PNKD: variants seen among roughly 807,000 people sequenced by gnomAD.
PNKD encodes the protein probable thioesterase PNKD.
In PNKD, 36 loss-of-function variants were observed where a neutral mutation model predicts 45.3. That is an observed-to-expected ratio of 0.80 (90% CI 0.61 to 1.05). PNKD has a LOEUF of 1.05. Among genes scored for constraint, PNKD ranks in the 50% least tolerant of loss-of-function variants. PNKD has a pLI of 0.00. For synonymous variants in PNKD, 197 were observed against 210.1 expected (o/e 0.94, Z 0.54); for missense variants, 511 against 506.6 (o/e 1.01, Z -0.08).
intron 2 of PNKD, among the ~76,000 whole-genome samples, chr2:218,312,701 C>T (rs946083859): frequency 6.6e-6 from 1 of 152,008 alleles, no homozygotes; most frequent in Non-Finnish European, 1.5e-5. Flanking sequence ...GGTGAAATCC[C>T]ATCCCTACTA....
chr2:218,309,613 G>T (rs1693539368), intron 2 of PNKD, among the ~76,000 whole-genome samples: 1 of 151,898 alleles, frequency 6.6e-6, no homozygotes, highest in Non-Finnish European at 1.5e-5. Context: ...GTACTAGTTT[G>T]GATGCTCTTG....
At chr2:218,278,579 G>A in intron 2 of PNKD, 1 of 1,614,160 alleles carries the variant, frequency 6.2e-7, no homozygotes, top group South Asian at 1.1e-5. Flanking sequence ...GGGACAAAGA[G>A]ATGGGGAAGC....
intron 2 of PNKD, chr2:218,277,001 C>CA (rs1691282592): frequency 6.2e-7 from 1 of 1,613,476 alleles, no homozygotes; most frequent in Non-Finnish European, 8.5e-7. Flanking sequence ...CTGGGACACT[C>CA]ACGTATTGGA....
chr2:218,310,443 C>T lies in PNKD; in HGVS notation c.237-29340C>T, dbSNP rs139694501. 3.9e-3 allele frequency among the ~76,000 whole-genome samples: 588 copies of T among 151,986 alleles called. 5 individuals carry two copies. The highest frequency in any genetic ancestry group is 0.011 in the African/African-American group (468 of 41,450). On this transcript the variant is annotated intron_variant, in intron 2 of 9. Transcript: ENST00000273077. Reference sequence around the variant, plus strand: ...TTCACCATATTGGCCAGGCTGGTCTCGAACTCCTGACCTTGTTATCCCCCC... The same window carrying T: ...TTCACCATATTGGCCAGGCTGGTCTTGAACTCCTGACCTTGTTATCCCCCC...
In PNKD at chr2:218,326,680, CCTT is replaced by C. The variant is rs1694162675; in HGVS notation, c.237-13100_237-13098del. Among the ~76,000 whole-genome samples, 1 of 152,072 alleles carries C rather than the reference CCTT, an allele frequency of 6.6e-6. No homozygotes were observed. The highest frequency in any genetic ancestry group is 1.5e-5 in the Non-Finnish European group (1 of 68,002). Reference sequence around the variant, plus strand: ...TGGGAGAGTATCTATGGCCCTGTGTCCTTCTGGAGCTTCCTTACTTAATTCCAC... The same window carrying C: ...TGGGAGAGTATCTATGGCCCTGTGTCCTGGAGCTTCCTTACTTAATTCCAC... On this transcript the variant is annotated intron_variant, in intron 2 of 9. Transcript: ENST00000273077. This position sits in a 1 kb window ranked among gnomAD's most constrained non-coding sequence, Gnocchi z 4.1.
chr2:218,312,750 G>A lies in PNKD; in HGVS notation c.237-27033G>A, dbSNP rs185840451. ...TAGTTGGGTGTGGGGGTGTGCACCT[G>A]TAGTCCCAGCTACTTGGGAGGCTGA... On this transcript the variant is annotated intron_variant, in intron 2 of 9. Transcript: ENST00000273077. 3.8e-3 allele frequency among the ~76,000 whole-genome samples: 576 copies of A among 151,988 alleles called. 6 individuals carry two copies. Among genetic ancestry groups the A allele is most frequent in the Non-Finnish European group, 6.1e-3 (417 of 67,958 alleles).
At chr2:218,338,124 C>T (rs574919498) in intron 2 of PNKD, among the ~76,000 whole-genome samples, 33 of 145,926 alleles carry the variant, frequency 2.3e-4, no homozygotes, top group Admixed American at 5.4e-4. Context: ...CCCTGCCTGA[C>T]GACAGAGTGA....
At chr2:218,282,406 T>C (rs1232402514) in intron 2 of PNKD, among the ~76,000 whole-genome samples, 1 of 152,184 alleles carries the variant, frequency 6.6e-6, no homozygotes, top group African/African-American at 2.4e-5. Context: ...GGCCTCTCAC[T>C]GTGCAGCTCC....
chr2:218,323,430 G>C, intron 2 of PNKD: 1 of 1,561,288 alleles, frequency 6.4e-7, no homozygotes, highest in South Asian at 1.2e-5. Flanking sequence ...CTTCCGAATC[G>C]GGTTAGTGCC....
chr2:218,310,838 C>T (rs960196391), intron 2 of PNKD, among the ~76,000 whole-genome samples: 6 of 151,970 alleles, frequency 3.9e-5, no homozygotes, highest in African/African-American at 9.7e-5. Flanking sequence ...GTGATCTGCC[C>T]GCCTCGGCTT....
chr2:218,282,275 G>A lies in PNKD; in HGVS notation c.236+10726G>A, dbSNP rs572816857. 93 of 705,984 alleles carry A rather than the reference G, an allele frequency of 1.3e-4. 1 individual carries two copies. The highest frequency in any genetic ancestry group is 1.1e-3 in the African/African-American group (59 of 52,830). The allele number at this position is 705,984 out of a possible 1,614,324, so 43.7% of individuals were successfully genotyped here. A position where few individuals can be genotyped will look rare whatever the true frequency, so the allele number is the denominator to read the frequency against. On this transcript the variant is annotated intron_variant, in intron 2 of 9. Coordinates refer to ENST00000273077, the MANE Select transcript of PNKD (RefSeq NM_015488.5). Reference sequence around the variant, plus strand: ...TTCCAGCCTTGTCCAGGCTGCCTCCGTGGAGAGGAACACCACCTATTTTCT... The same window carrying A: ...TTCCAGCCTTGTCCAGGCTGCCTCCATGGAGAGGAACACCACCTATTTTCT...
chr2:218,304,620 A>G (rs1693361703), intron 2 of PNKD, among the ~76,000 whole-genome samples: 2 of 152,188 alleles, frequency 1.3e-5, no homozygotes, highest in African/African-American at 4.8e-5. Context: ...TCTGTTTCCC[A>G]GCAGACACTG....
Position 218,276,525 on chromosome 2 carries a change from C to T in PNKD, c.236+4976C>T, listed in dbSNP as rs75845354. Among the ~76,000 whole-genome samples the T allele has an allele frequency of 6.3e-3, 960 of 152,272 alleles. 6 individuals are homozygous for T. Among genetic ancestry groups the T allele is most frequent in the African/African-American group, 0.02 (842 of 41,544 alleles). ...CCCACATGACATGCCCACAGGTGGC[C>T]GTCCACAGAAGGACAGAGCTGGCCC... is the stretch of plus-strand genomic sequence containing the variant. On this transcript the variant is annotated intron_variant, in intron 2 of 9. Transcript: ENST00000273077.
intron 2 of PNKD, chr2:218,272,813 C>T (rs771968253): frequency 6.2e-7 from 1 of 1,613,004 alleles, no homozygotes; most frequent in South Asian, 1.1e-5. Context: ...TCAGGTTTGG[C>T]CCAGATTCCA....
At chr2:218,336,234 G>GA (rs1345737577) in intron 2 of PNKD, among the ~76,000 whole-genome samples, 3 of 117,124 alleles carry the variant, frequency 2.6e-5, no homozygotes, top group Non-Finnish European at 5.4e-5. Context: ...AAAAAGTTTG[G>GA]AAAAAATAGC....
In PNKD at chr2:218,276,900, T is replaced by C. The variant is rs535787472; in HGVS notation, c.236+5351T>C. The C allele has an allele frequency of 6.6e-6, 6 of 913,712 alleles. No homozygotes were observed. The East Asian group carries it at 7.8e-5, about 12-fold the overall frequency. 56.6% of individuals were successfully genotyped at this position (913,712 alleles called of 1,614,324 possible). On this transcript the variant is annotated intron_variant, in intron 2 of 9. Transcript: ENST00000273077. ...CTAGCCAGTCGAGAGGTTCTGGAGG[T>C]CAGAGCCTGCCCCGGGGACCTTTGG...
At chr2:218,309,425 A>G (rs1184166710) in intron 2 of PNKD, among the ~76,000 whole-genome samples, 1 of 149,996 alleles carries the variant, frequency 6.7e-6, no homozygotes, top group African/African-American at 2.5e-5. Flanking sequence ...TCAAAAAAAA[A>G]AAAAAAAAAA....
At position 218,342,299 on chromosome 2, in the gene PNKD, C is replaced by T. The variant is rs554016546; in HGVS notation, c.781+155C>T. On this transcript the variant is annotated intron_variant, in intron 7 of 9. Coordinates refer to ENST00000273077, the MANE Select transcript of PNKD (RefSeq NM_015488.5). ...TGTGTTACTCAGATTGGTTTTAATC[C>T]TTGAGACTTCCCTTGGGGCACCTTG... Among the ~76,000 whole-genome samples the T allele has an allele frequency of 5.9e-5, 9 of 152,272 alleles. No homozygotes were observed. The East Asian group carries it at 1.5e-3, about 26-fold the overall frequency.
chr2:218,325,770 A>G (rs1263047937), intron 2 of PNKD, among the ~76,000 whole-genome samples: 1 of 152,124 alleles, frequency 6.6e-6, no homozygotes. Context: ...GGATTTTACA[A>G]ATCTCCAAAA....
Sources: allele counts gnomAD v4.1 joint callset (sites outside exome capture counted in the v4.1 genomes callset), GRCh38; gene constraint gnomAD v4.1.1; non-coding constraint Gnocchi (gnomAD v3.1); transcripts MANE v1.5; gene names NCBI Gene and HGNC (gene_info 2026-07-23, HGNC 2026-07-21).